USP43: variants seen among roughly 807,000 people sequenced by gnomAD.
USP43 encodes ubiquitin specific peptidase 43.
USP43 carries 33 observed loss-of-function variants against 90.7 expected under a neutral mutation model. That is an observed-to-expected ratio of 0.36 (90% CI 0.28 to 0.49). The LOEUF is 0.49. Ranked by LOEUF, USP43 falls within the 20% of genes least tolerant of loss-of-function variation. The pLI is 0.98. For synonymous variants in USP43, 598 were observed against 615.8 expected (o/e 0.97, Z 0.43); for missense variants, 1,274 against 1,476.4 (o/e 0.86, Z 2.25).
chr17:9,649,150 T>C (rs534349366), intron 1 of USP43, among the ~76,000 whole-genome samples: 4 of 152,040 alleles, frequency 2.6e-5, no homozygotes, highest in Admixed American at 2.0e-4. Flanking sequence ...CTACTAAAAA[T>C]ACAAAAATTA....
chr17:9,726,131 G>A (rs1293051415), intron 14 of USP43, among the ~76,000 whole-genome samples: 22 of 152,136 alleles, frequency 1.4e-4, no homozygotes, highest in Admixed American at 1.4e-3. Context: ...CCTTTTGGAG[G>A]TCATGGGCTT....
At chr17:9,647,061 C>CAAAAAAAAAAA (rs11305216) in intron 1 of USP43, 15 of 79,796 alleles carry the variant, frequency 1.9e-4, no homozygotes, top group African/African-American at 5.1e-4. Context: ...TTGCTTCCTG[C>CAAAAAAAAAAA]AAAAAAAAAA....
chr17:9,693,235 G>C lies in USP43; in HGVS notation c.1457+5G>C. 6.2e-7 allele frequency: 1 copy of C among 1,609,688 alleles called. No individual in the cohort carries two copies. The highest frequency in any genetic ancestry group is 8.5e-7 in the Non-Finnish European group (1 of 1,177,734). On this transcript the variant is annotated splice_donor_5th_base_variant and intron_variant, in intron 9 of 14. Coordinates refer to ENST00000285199, the MANE Select transcript of USP43 (RefSeq NM_153210.5). ...CTGTCACTGGGCAGTTGACAGGTAA[G>C]GGGGAAGGTCCAGGTTCAGTCAGCT...
intron 12 of USP43, among the ~76,000 whole-genome samples, chr17:9,708,096 C>T (rs1429284566): frequency 3.3e-5 from 5 of 152,126 alleles, no homozygotes; most frequent in South Asian, 2.1e-4. Flanking sequence ...GAGCAGAGCT[C>T]GTAGCATGTG....
intron 6 of USP43, among the ~76,000 whole-genome samples, chr17:9,681,776 G>A (rs1216001109): frequency 6.6e-6 from 1 of 151,862 alleles, no homozygotes; most frequent in African/African-American, 2.4e-5. Flanking sequence ...TTACAGGTGT[G>A]AGCCACCACA....
At chr17:9,688,997 A>G (rs958991558) in intron 8 of USP43, among the ~76,000 whole-genome samples, 3 of 152,084 alleles carry the variant, frequency 2.0e-5, no homozygotes, top group Non-Finnish European at 4.4e-5. Context: ...CCCAATTTCA[A>G]TTTTAGAAAT....
intron 9 of USP43, among the ~76,000 whole-genome samples, chr17:9,697,078 A>G (rs1248022263): frequency 6.6e-6 from 1 of 152,172 alleles, no homozygotes; most frequent in African/African-American, 2.4e-5. Context: ...TTAGCCAGGC[A>G]TGGTGGCACA....
At chr17:9,653,630 G>T (rs900260015) in intron 1 of USP43, among the ~76,000 whole-genome samples, 1 of 152,086 alleles carries the variant, frequency 6.6e-6, no homozygotes, top group East Asian at 1.9e-4. Context: ...GACTGTAGAA[G>T]TAGGAAAGAG....
At chr17:9,654,445 T>C (rs1912089229) in intron 1 of USP43, among the ~76,000 whole-genome samples, 1 of 151,606 alleles carries the variant, frequency 6.6e-6, no homozygotes, top group Non-Finnish European at 1.5e-5. Context: ...AAATCAGGAG[T>C]TCGAGATCAG....
chr17:9,666,076 G>A (rs2151967994), intron 2 of USP43, among the ~76,000 whole-genome samples: 1 of 152,320 alleles, frequency 6.6e-6, no homozygotes, highest in Admixed American at 6.5e-5. Context: ...CAGGAAACAA[G>A]GAAATGCAAG....
chr17:9,711,661 C>T (rs2151995034), intron 13 of USP43, among the ~76,000 whole-genome samples: 1 of 152,240 alleles, frequency 6.6e-6, no homozygotes, highest in South Asian at 2.1e-4. Flanking sequence ...GAACTCCTGA[C>T]CTCAGGTGAT....
At chr17:9,679,620 G>T (rs920318962) in intron 5 of USP43, among the ~76,000 whole-genome samples, 1 of 150,544 alleles carries the variant, frequency 6.6e-6, no homozygotes, top group African/African-American at 2.5e-5. Context: ...CCGCCTCCCG[G>T]GTTCACACCA....
Position 9,728,517 on chromosome 17 carries a change from C to T in USP43, c.2899C>T (p.Pro967Ser), listed in dbSNP as rs772886408. ...CTTCCAGATGGGAAGCAAAAGCAGC[C>T]CACCCTCCCCCTATATGGGATTCTC... ...ESFQMGSKSS[P>S]PSPYMGFSGN... Residue 967 changes from proline (P) to serine (S), a missense_variant, in exon 15 of 15, where the codon CCA (proline) becomes TCA (serine). This residue lies in a region of USP43 where 353 missense variants were observed against 329.7 expected (regional missense o/e 1.07). Coordinates refer to ENST00000285199, the MANE Select transcript of USP43 (RefSeq NM_153210.5). This position sits in a 1 kb window ranked among gnomAD's most constrained non-coding sequence, Gnocchi z 6.2. 3.1e-6 allele frequency: 5 copies of T among 1,613,892 alleles called. No individual in the cohort carries two copies. The highest frequency in any genetic ancestry group is 1.1e-5 in the South Asian group (1 of 91,076).
intron 14 of USP43, among the ~76,000 whole-genome samples, chr17:9,716,302 A>T (rs1454846809): frequency 1.3e-5 from 2 of 152,144 alleles, no homozygotes; most frequent in East Asian, 3.8e-4. Flanking sequence ...TATATATATA[A>T]GTATATGTAA....
chr17:9,681,555 G>A (rs112982494), intron 6 of USP43, among the ~76,000 whole-genome samples: 87 of 136,964 alleles, frequency 6.4e-4, no homozygotes, highest in African/African-American at 2.0e-3. Flanking sequence ...GTGCAGTGGC[G>A]TGATCTTGGC....
intron 3 of USP43, among the ~76,000 whole-genome samples, chr17:9,667,280 TAGG>T (rs1385644927): frequency 6.6e-6 from 1 of 151,644 alleles, no homozygotes; most frequent in African/African-American, 2.4e-5. Context: ...GAGGCTGAGA[TAGG>T]AGGATTGCTT....
chr17:9,646,631 G>A (rs1409647511), intron 1 of USP43, among the ~76,000 whole-genome samples: 4 of 152,272 alleles, frequency 2.6e-5, no homozygotes, highest in South Asian at 2.1e-4. Context: ...CCATAGACCC[G>A]AAGGAGCTGA....
chr17:9,662,168 A>G (rs1287965232), intron 2 of USP43, among the ~76,000 whole-genome samples: 1 of 152,044 alleles, frequency 6.6e-6, no homozygotes, highest in Non-Finnish European at 1.5e-5. Flanking sequence ...TCATGGGCCT[A>G]TTCCTTGGTA....
intron 2 of USP43, among the ~76,000 whole-genome samples, chr17:9,663,280 G>A (rs942340504): frequency 6.6e-6 from 1 of 150,852 alleles, no homozygotes; most frequent in Non-Finnish European, 1.5e-5. Context: ...GTCAAGTACC[G>A]GTGTGGGGAT....
Sources: allele counts gnomAD v4.1 joint callset (sites outside exome capture counted in the v4.1 genomes callset), GRCh38; gene constraint gnomAD v4.1.1; regional missense constraint gnomAD v4.1.1; non-coding constraint Gnocchi (gnomAD v3.1); transcripts MANE v1.5; gene names NCBI Gene and HGNC (gene_info 2026-07-23, HGNC 2026-07-21).